The following C4orf50 variants were observed in gnomAD, a reference collection of about 807,000 sequenced individuals.
C4orf50 encodes uncharacterized protein C4orf50.
C4orf50 carries 80 observed loss-of-function variants against 77.2 expected under a neutral mutation model. The observed-to-expected ratio is 1.04, with a 90% CI of 0.87 to 1.25. C4orf50 has a LOEUF of 1.25. Ranked by LOEUF, C4orf50 falls within the 50% of genes most tolerant of loss-of-function variation. The pLI is 0.00. For synonymous variants in C4orf50, 532 were observed against 465.3 expected (o/e 1.14, Z -1.84); for missense variants, 1,257 against 1,152.9 (o/e 1.09, Z -1.31).
chr4:5,918,230 A>C (rs1490448941), intron 7 of C4orf50, among the ~76,000 whole-genome samples: 2 of 152,184 alleles, frequency 1.3e-5, no homozygotes, highest in Non-Finnish European at 2.9e-5. Flanking sequence ...ACACAGCAGA[A>C]AGAACGTCAG....
Position 5,990,933 on chromosome 4 carries a change from G to C in C4orf50, c.1222-109C>G, listed in dbSNP as rs1293750760. The stretch of plus-strand genomic sequence containing the variant: ...TCCGTGTTTCCTCACCAGCTGCACA[G>C]GGGACAAGCTCTTTCCCACACAGGA... On this transcript the variant is annotated intron_variant, in intron 27 of 33. Coordinates refer to ENST00000531445, the Ensembl canonical transcript of C4orf50. 6 of 397,804 alleles carry C rather than the reference G, an allele frequency of 1.5e-5. No homozygotes were observed. In the East Asian group the frequency reaches 2.1e-4, roughly 14 times the overall value. The allele number at this position is 397,804 out of a possible 1,614,324, so 24.6% of individuals were successfully genotyped here. A position where few individuals can be genotyped will look rare whatever the true frequency, so the allele number is the denominator to read the frequency against.
exon 28 of C4orf50, chr4:5,990,482 C>T (rs1721204313): frequency 2.5e-6 from 1 of 399,710 alleles, no homozygotes; most frequent in Middle Eastern, 6.3e-4. Flanking sequence ...AAGAGGGAGG[C>T]ACCGCGGCCT....
chr4:6,013,669 T>C (rs557574995), intron 23 of C4orf50, among the ~76,000 whole-genome samples: 4 of 152,152 alleles, frequency 2.6e-5, no homozygotes, highest in Non-Finnish European at 4.4e-5. Flanking sequence ...GGGTTGAACT[T>C]AGGGACGGCC....
intron 7 of C4orf50, among the ~76,000 whole-genome samples, chr4:5,944,641 G>A (rs1056434529): frequency 2.6e-5 from 4 of 152,092 alleles, no homozygotes; most frequent in African/African-American, 7.2e-5. Flanking sequence ...GGCCTGTGCT[G>A]GGATGGAGGA....
rs1163015112 is a variant in C4orf50, at chr4:6,011,440, A to G, written c.426+390T>C. On this transcript the variant is annotated intron_variant, in intron 24 of 33. Coordinates refer to ENST00000531445, the Ensembl canonical transcript of C4orf50. The surrounding 1 kb of genome is among the most constrained non-coding windows in gnomAD (Gnocchi z 4.2). Reference sequence around the variant, plus strand: ...CTCCTCAACTCCCCTAGCCCCCTGAACACACGCCATGGGGGATCGCACACT... The same window carrying G: ...CTCCTCAACTCCCCTAGCCCCCTGAGCACACGCCATGGGGGATCGCACACT... 6.6e-6 allele frequency among the ~76,000 whole-genome samples: 1 copy of G among 151,804 alleles called. No homozygotes were observed. Among genetic ancestry groups the G allele is most frequent in the Non-Finnish European group, 1.5e-5 (1 of 67,940 alleles).
At chr4:6,003,917 TGGTG>T (rs1722002542) in intron 25 of C4orf50, among the ~76,000 whole-genome samples, 1 of 127,666 alleles carries the variant, frequency 7.8e-6, no homozygotes, top group Admixed American at 7.9e-5. Flanking sequence ...ATGTTGATGA[TGGTG>T]GTGATGGTGA....
At chr4:5,933,227 T>C (rs1408338465) in intron 7 of C4orf50, among the ~76,000 whole-genome samples, 1 of 152,228 alleles carries the variant, frequency 6.6e-6, no homozygotes. Context: ...GAAAACACTT[T>C]GTCAAGAGTG....
At chr4:5,902,312 C>T (rs1293378324) in intron 7 of C4orf50, 1 of 152,304 alleles carries the variant, frequency 6.6e-6, no homozygotes, top group Admixed American at 6.5e-5. Context: ...CTGTCAAGGA[C>T]AGTGATATTT....
chr4:5,991,060 A>G (rs1042003072), intron 27 of C4orf50, among the ~76,000 whole-genome samples: 1 of 152,106 alleles, frequency 6.6e-6, no homozygotes. Context: ...CTCCATTCAC[A>G]TCTCAATGCA....
rs1230133722 is a variant in C4orf50 at position 6,017,429 on chromosome 4, C to T, written c.287+716G>A. Among the ~76,000 whole-genome samples the T allele has an allele frequency of 6.6e-6, 1 of 152,228 alleles. No homozygotes were observed. Among genetic ancestry groups the T allele is most frequent in the Admixed American group, 6.5e-5 (1 of 15,288 alleles). ...AACAAGAGTGACTTTATTTTAAACG[C>T]TAATCCAGCAGGTGACTCTTGACTA... is the stretch of plus-strand genomic sequence containing the variant. On this transcript the variant is annotated intron_variant, in intron 23 of 33. Transcript: ENST00000531445. The surrounding 1 kb of genome is among the most constrained non-coding windows in gnomAD (Gnocchi z 4.7).
intron 25 of C4orf50, among the ~76,000 whole-genome samples, chr4:6,004,710 G>A (rs1205415466): frequency 1.4e-5 from 2 of 147,834 alleles, no homozygotes; most frequent in African/African-American, 5.0e-5. Context: ...TGGTGATGGT[G>A]GTGATGATGT....
rs1425120568 is a variant in C4orf50 at position 6,008,661 on chromosome 4, T to G, written c.427-129A>C. ...CGTTTTTGCATTTTGTGCATTGTAATAGTGCATCAAAGTATTATCTCTTTG... is the reference window on the plus strand; with the variant it reads ...CGTTTTTGCATTTTGTGCATTGTAAGAGTGCATCAAAGTATTATCTCTTTG... On this transcript the variant is annotated intron_variant, in intron 24 of 33. Transcript: ENST00000531445. The surrounding 1 kb of genome is among the most constrained non-coding windows in gnomAD (Gnocchi z 6.0). 3 of 392,270 alleles carry G rather than the reference T, an allele frequency of 7.6e-6. No individual in the cohort carries two copies. In the East Asian group the frequency reaches 1.1e-4, roughly 14 times the overall value. The allele number at this position is 392,270 out of a possible 1,614,324, so 24.3% of individuals were successfully genotyped here.
At chr4:5,935,752 C>T (rs1560550379) in intron 7 of C4orf50, among the ~76,000 whole-genome samples, 1 of 137,194 alleles carries the variant, frequency 7.3e-6, no homozygotes, top group African/African-American at 2.8e-5. Flanking sequence ...CGCCATTGCA[C>T]TCCAGGCTGG....
Position 5,949,841 on chromosome 4 carries a change from T to C in C4orf50, c.*2474+7060A>G, listed in dbSNP as rs115283155. On this transcript the variant is annotated intron_variant, in intron 7 of 7. Coordinates refer to the C4orf50 transcript ENST00000324058. ...ATCTCTACTAAAAATACAGAACAAC[T>C]AACCGGGCATGGTGGCGGGTGCCTG... Among the ~76,000 whole-genome samples the C allele has an allele frequency of 9.5e-3, 1,441 of 151,930 alleles. 21 individuals are homozygous for C. Among genetic ancestry groups the C allele is most frequent in the African/African-American group, 0.033 (1,356 of 41,396 alleles).
intron 7 of C4orf50, among the ~76,000 whole-genome samples, chr4:5,943,181 C>G (rs533536955): frequency 6.6e-6 from 1 of 152,178 alleles, no homozygotes; most frequent in African/African-American, 2.4e-5. Flanking sequence ...GAAGCGGCAG[C>G]TGTTTCCGTG....
intron 23 of C4orf50, among the ~76,000 whole-genome samples, chr4:6,012,735 C>A (rs907161667): frequency 6.6e-6 from 1 of 152,158 alleles, no homozygotes; most frequent in Non-Finnish European, 1.5e-5. Context: ...GGGAGACACA[C>A]GCAGGGTCGG....
At chr4:5,935,429 G>A (rs1717964367) in intron 7 of C4orf50, among the ~76,000 whole-genome samples, 1 of 152,150 alleles carries the variant, frequency 6.6e-6, no homozygotes, top group South Asian at 2.1e-4. Context: ...GGGAATTTGG[G>A]GTTGAACTCC....
intron 7 of C4orf50, among the ~76,000 whole-genome samples, chr4:5,922,491 G>A (rs116674137): frequency 1.3e-5 from 2 of 152,172 alleles, no homozygotes; most frequent in Non-Finnish European, 2.9e-5. Context: ...TCAGGTGTTG[G>A]GGCTATGCTG....
intron 33 of C4orf50, among the ~76,000 whole-genome samples, chr4:5,964,159 C>T (rs1014223557): frequency 4.6e-5 from 7 of 152,112 alleles, no homozygotes; most frequent in African/African-American, 9.7e-5. Context: ...TATTTTCCCT[C>T]GAGGTGAAGG....
Sources: gnomAD v4.1 joint callset for allele counts (sites outside exome capture counted in the v4.1 genomes callset) on GRCh38, gnomAD v4.1.1 for gene constraint, Gnocchi (gnomAD v3.1) non-coding constraint, MANE v1.5 for transcripts, NCBI Gene and HGNC (gene_info 2026-07-23, HGNC 2026-07-21) for gene names.